ATAT1: variants seen among roughly 807,000 people sequenced by gnomAD.
ATAT1 encodes alpha-tubulin N-acetyltransferase 1.
A neutral mutation model predicts 57.2 loss-of-function variants in ATAT1; 42 were observed. The ratio of observed to expected loss-of-function variants is 0.73; its 90% CI spans 0.57 to 0.95. ATAT1 has a LOEUF of 0.95. Ranked by LOEUF, ATAT1 falls within the 40% of genes least tolerant of loss-of-function variation. The pLI, the probability that ATAT1 is intolerant of heterozygous loss-of-function variation, is 0.00. For synonymous variants in ATAT1, 168 were observed against 187.1 expected (o/e 0.90, Z 0.83); for missense variants, 454 against 523.7 (o/e 0.87, Z 1.30).
intron 6 of ATAT1, among the ~76,000 whole-genome samples, chr6:30,629,480 G>A (rs918153514): frequency 1.3e-5 from 2 of 152,020 alleles, no homozygotes; most frequent in Non-Finnish European, 2.9e-5. Flanking sequence ...ATGGCCTCAA[G>A]TGATGTGCCC....
rs1195947485 is a variant in ATAT1, at chr6:30,627,073, CTGACTAG to C, written c.-127_-121del. Reference sequence around the variant, plus strand: ...GTCCAGGCACCACGCCCCCTTCTCACTGACTAGTGATCGCCCCTTTTGATGTCCAGGC... The same window carrying C: ...GTCCAGGCACCACGCCCCCTTCTCACTGATCGCCCCTTTTGATGTCCAGGC... On this transcript the variant is annotated 5_prime_UTR_variant, in exon 1 of 13. Transcript: ENST00000330083. 3.2e-6 allele frequency: 5 copies of C among 1,550,112 alleles called. No individual in the cohort carries two copies. The highest frequency in any genetic ancestry group is 4.8e-5 in the East Asian group (2 of 41,646).
intron 6 of ATAT1, among the ~76,000 whole-genome samples, chr6:30,636,375 G>A (rs1764079150): frequency 6.6e-6 from 1 of 152,054 alleles, no homozygotes; most frequent in African/African-American, 2.4e-5. Context: ...ACAAGGTCAG[G>A]AGATCGAGAC....
At chr6:30,646,411 A>C (rs1237302262) in intron 12 of ATAT1, 58 bp from the exon 13 acceptor site, 11 of 1,472,616 alleles carry the variant, frequency 7.5e-6, no homozygotes, top group Non-Finnish European at 9.9e-6. Flanking sequence ...AAGAGTCTGT[A>C]ATCTTAATTT....
At chr6:30,637,128 C>T (rs931423598) in intron 6 of ATAT1, among the ~76,000 whole-genome samples, 4 of 152,200 alleles carry the variant, frequency 2.6e-5, no homozygotes, top group Non-Finnish European at 5.9e-5. Flanking sequence ...ATATGAAACA[C>T]ATTACCCAGT....
At position 30,646,717 on chromosome 6, in the gene ATAT1, T is replaced by A; in HGVS notation, c.*74T>A. Reference sequence around the variant, plus strand: ...GGAAAGAGCCAAAGCCCAACCCTCATAATAGATGGATACATTCATTCATTC... The same window carrying A: ...GGAAAGAGCCAAAGCCCAACCCTCAAAATAGATGGATACATTCATTCATTC... On this transcript the variant is annotated 3_prime_UTR_variant, in exon 13 of 13. Coordinates refer to ENST00000330083, the MANE Select transcript of ATAT1 (RefSeq NM_001031722.4). The A allele has an allele frequency of 1.4e-6, 2 of 1,430,930 alleles. No homozygotes were observed. The highest frequency in any genetic ancestry group is 1.8e-6 in the Non-Finnish European group (2 of 1,083,198). The allele number at this position is 1,430,930 out of a possible 1,614,324, so 88.6% of individuals were successfully genotyped here. A position where few individuals can be genotyped will look rare whatever the true frequency, so the allele number is the denominator to read the frequency against.
intron 6 of ATAT1, among the ~76,000 whole-genome samples, chr6:30,632,864 G>A (rs1763209233): frequency 6.6e-6 from 1 of 151,702 alleles, no homozygotes. Context: ...TTGAATCAGG[G>A]AGGTAGAGGT....
At position 30,635,016 on chromosome 6, in the gene ATAT1, G is replaced by A. The variant is rs139824452; in HGVS notation, c.502-5361G>A. Among the ~76,000 whole-genome samples the A allele has an allele frequency of 1.0e-2, 1,515 of 152,090 alleles. 24 individuals carry two copies. The highest frequency in any genetic ancestry group is 0.034 in the African/African-American group (1,417 of 41,514). ...AACAACAACAACAACAAAAAGTCTCGTTCTGAGCATTCCAGTAGCTTCTTT... is the reference window on the plus strand; with the variant it reads ...AACAACAACAACAACAAAAAGTCTCATTCTGAGCATTCCAGTAGCTTCTTT... On this transcript the variant is annotated intron_variant, in intron 6 of 12. Coordinates refer to ENST00000330083, the MANE Select transcript of ATAT1 (RefSeq NM_001031722.4).
chr6:30,643,697 CT>C, intron 10 of ATAT1: 1 of 1,476,228 alleles, frequency 6.8e-7, no homozygotes, highest in East Asian at 2.5e-5. Flanking sequence ...CCCTCTTCTA[CT>C]TTCTTAGACA....
rs146069994 is a variant in ATAT1, at chr6:30,642,242, G to A, written c.683G>A (p.Arg228Gln). The change falls in exon 9 of 13, where the codon CGA (arginine) becomes CAA (glutamine). Residue 228 changes from arginine to glutamine, a missense_variant. By Grantham distance (43) the Arg-to-Gln change is conservative (BLOSUM62 1). This residue lies in a region of ATAT1 where 236 missense variants were observed against 284.5 expected (regional missense o/e 0.83). Transcript: ENST00000330083. Reference sequence around the variant, plus strand: ...ATCAAGCCATACTCCTCTAGTGACCGAGAATGTAAGAGGGGCAAGGGTCGG... The same window carrying A: ...ATCAAGCCATACTCCTCTAGTGACCAAGAATGTAAGAGGGGCAAGGGTCGG... 4 of 1,613,998 alleles carry A rather than the reference G, an allele frequency of 2.5e-6. No homozygotes were observed. Among genetic ancestry groups the A allele is most frequent in the African/African-American group, 1.3e-5 (1 of 74,916 alleles).
intron 6 of ATAT1, among the ~76,000 whole-genome samples, chr6:30,635,694 T>C (rs1582808557): frequency 6.6e-6 from 1 of 152,308 alleles, no homozygotes; most frequent in East Asian, 1.9e-4. Context: ...CAAATGCTGC[T>C]GATCAAGGAG....
At chr6:30,636,365 A>G (rs2127521370) in intron 6 of ATAT1, among the ~76,000 whole-genome samples, 1 of 152,232 alleles carries the variant, frequency 6.6e-6, no homozygotes, top group African/African-American at 2.4e-5. Context: ...TAGGCGGATC[A>G]CAAGGTCAGG....
chr6:30,642,778 A>G lies in ATAT1; in HGVS notation c.699A>G (p.Val233=). 6.2e-7 allele frequency: 1 copy of G among 1,608,500 alleles called. No homozygotes were observed. Among genetic ancestry groups the G allele is most frequent in the Non-Finnish European group, 8.5e-7 (1 of 1,177,014 alleles). The stretch of plus-strand genomic sequence containing the variant: ...TCTCCCTGTCCCCAGTTCTGAAGGT[A>G]GCTGTGGAGCCTCCTTGGCCCCTAA... Residue 233 remains valine (V), a synonymous_variant, in exon 10 of 13, where the codon GTA becomes GTG. Transcript: ENST00000330083.
chr6:30,633,732 C>T (rs999138433), intron 6 of ATAT1: 7 of 208,272 alleles, frequency 3.4e-5, no homozygotes, highest in African/African-American at 1.4e-4. Flanking sequence ...CCCATGCTAA[C>T]GGGAACGCTA....
Position 30,628,091 on chromosome 6 carries a change from T to C in ATAT1, c.345T>C (p.His115=). 2 of 1,613,076 alleles carry C rather than the reference T, an allele frequency of 1.2e-6. No homozygotes were observed. Among genetic ancestry groups the C allele is most frequent in the Non-Finnish European group, 1.7e-6 (2 of 1,180,026 alleles). Residue 115 remains histidine, a synonymous_variant, in exon 5 of 13, where the codon CAT becomes CAC. Transcript: ENST00000330083. ...TTTGCATCCTGGACTTTTACATCCA[T>C]GAGTCTGTGCAACGCCATGGCCATG...
chr6:30,628,208 G>A, intron 5 of ATAT1, 63 bp downstream of exon 5: 1 of 1,551,578 alleles, frequency 6.4e-7, no homozygotes, highest in Non-Finnish European at 8.9e-7. Context: ...AGCCCTTCCA[G>A]AAGCCCTGCC....
At position 30,627,105 on chromosome 6, in the gene ATAT1, C is replaced by A; in HGVS notation, c.-99C>A. ...GTGATCGCCCCTTTTGATGTCCAGG[C>A]CTGCCTTTTTGGTGACCTCTGACCC... On this transcript the variant is annotated 5_prime_UTR_variant, in exon 1 of 13. Coordinates refer to ENST00000330083, the MANE Select transcript of ATAT1 (RefSeq NM_001031722.4). The A allele has an allele frequency of 6.4e-7, 1 of 1,574,034 alleles. No homozygotes were observed. The highest frequency in any genetic ancestry group is 8.6e-7 in the Non-Finnish European group (1 of 1,158,362).
rs1404089307 is a variant in ATAT1 at position 30,640,422 on chromosome 6, C to T, written c.547C>T (p.Arg183Trp). Residue 183 changes from arginine (R) to tryptophan (W), a missense_variant and splice_region_variant, in exon 7 of 13, where the codon CGG becomes TGG. Around this residue, in one of 3 missense-constraint regions of ATAT1, gnomAD observed 236 missense variants for 284.5 expected, o/e 0.83. Coordinates refer to ENST00000330083, the MANE Select transcript of ATAT1 (RefSeq NM_001031722.4). ...TGAAGGCTTCTTTGCCCATCAACAT[C>T]GTAAGTTTTTGCATTTTGTTGGTCA... 4 of 1,612,930 alleles carry T rather than the reference C, an allele frequency of 2.5e-6. No homozygotes were observed. Among genetic ancestry groups the T allele is most frequent in the East Asian group, 2.2e-5 (1 of 44,888 alleles).
At chr6:30,643,327 T>A in intron 10 of ATAT1, 1 of 1,427,012 alleles carries the variant, frequency 7.0e-7, no homozygotes, top group African/African-American at 1.4e-5. Flanking sequence ...CTTCGCTTAA[T>A]ACTTGCTGGG....
intron 1 of ATAT1, 112 bp from the exon 2 acceptor site, chr6:30,627,348 A>T: frequency 6.2e-7 from 1 of 1,609,710 alleles, no homozygotes; most frequent in Non-Finnish European, 8.5e-7. Context: ...AAAGGCAGGG[A>T]GCCTTCAGTG....
Sources: allele counts gnomAD v4.1 joint callset (sites outside exome capture counted in the v4.1 genomes callset), GRCh38; gene constraint gnomAD v4.1.1; regional missense constraint gnomAD v4.1.1; transcripts MANE v1.5; gene names NCBI Gene and HGNC (gene_info 2026-07-23, HGNC 2026-07-21).